Variants in CTSO observed in about 807,000 individuals in gnomAD.
CTSO encodes cathepsin O.
CTSO carries 40 observed loss-of-function variants against 42.4 expected under a neutral mutation model. That is an observed-to-expected ratio of 0.94 (90% CI 0.73 to 1.23). CTSO has a LOEUF of 1.23. Ranked by LOEUF, CTSO falls within the 50% of genes most tolerant of loss-of-function variation. CTSO has a pLI of 0.00. For missense variants in CTSO, 441 were observed against 396.0 expected (o/e 1.11, Z -0.96); for synonymous variants, 156 against 146.2 (o/e 1.07, Z -0.48).
intron 5 of CTSO, among the ~76,000 whole-genome samples, chr4:155,936,804 C>T (rs1743339153): frequency 6.6e-6 from 1 of 152,160 alleles, no homozygotes; most frequent in Non-Finnish European, 1.5e-5. Context: ...AATTTATCTT[C>T]AGTAGTATAT....
chr4:155,946,153 T>C (rs1353411537), intron 1 of CTSO, among the ~76,000 whole-genome samples: 2 of 152,186 alleles, frequency 1.3e-5, no homozygotes, highest in Non-Finnish European at 2.9e-5. Context: ...CTAATGCAAG[T>C]TTATCTCACT....
chr4:155,940,853 A>G (rs1743417656), intron 3 of CTSO, among the ~76,000 whole-genome samples: 1 of 151,730 alleles, frequency 6.6e-6, no homozygotes, highest in Admixed American at 6.6e-5. Context: ...AAAAAAAAAA[A>G]AGAGAAAAGG....
chr4:155,936,306 CCTGACAGTTCT>C (rs1743329712), intron 5 of CTSO, among the ~76,000 whole-genome samples: 1 of 152,122 alleles, frequency 6.6e-6, no homozygotes, highest in East Asian at 1.9e-4. Flanking sequence ...GTGTTGACAA[CCTGACAGTTCT>C]CTGGCACACT....
intron 1 of CTSO, among the ~76,000 whole-genome samples, chr4:155,950,914 G>T (rs1341730373): frequency 6.6e-6 from 1 of 151,198 alleles, no homozygotes; most frequent in Non-Finnish European, 1.5e-5. Flanking sequence ...GTGCCAAAAA[G>T]TTTGGGGACC....
intron 5 of CTSO, among the ~76,000 whole-genome samples, chr4:155,930,405 T>TA (rs1334902764): frequency 1.8e-4 from 27 of 152,338 alleles, no homozygotes; most frequent in African/African-American, 6.5e-4. Flanking sequence ...CCCGGAGAAC[T>TA]AGGTGTTCAA....
intron 7 of CTSO, among the ~76,000 whole-genome samples, chr4:155,927,779 A>T (rs1225715294): frequency 6.6e-6 from 1 of 152,122 alleles, no homozygotes; most frequent in African/African-American, 2.4e-5. Context: ...TATCTCAAAA[A>T]AAAAAAAGTT....
chr4:155,942,918 T>A (rs888119169), intron 2 of CTSO, among the ~76,000 whole-genome samples: 2 of 152,120 alleles, frequency 1.3e-5, no homozygotes, highest in African/African-American at 4.8e-5. Flanking sequence ...CAATTATCCT[T>A]TATAGCCACA....
At chr4:155,929,147 A>C (rs987111382) in intron 6 of CTSO, among the ~76,000 whole-genome samples, 7 of 152,166 alleles carry the variant, frequency 4.6e-5, no homozygotes, top group Non-Finnish European at 1.0e-4. Flanking sequence ...CTATCCCTTT[A>C]TTTCGGCCCA....
chr4:155,937,609 CTT>C, intron 4 of CTSO, 126 bp from the exon 5 acceptor site: 1 of 821,358 alleles, frequency 1.2e-6, no homozygotes, highest in Non-Finnish European at 1.9e-6. Flanking sequence ...ACTTTGCGTT[CTT>C]TTTTTTTTCT....
chr4:155,930,095 T>C (rs1743209023), intron 5 of CTSO, among the ~76,000 whole-genome samples: 3 of 152,176 alleles, frequency 2.0e-5, no homozygotes, highest in South Asian at 2.1e-4. Flanking sequence ...ACGGATCTCA[T>C]TGGCCAGAAC....
chr4:155,935,637 C>A (rs1743316868), intron 5 of CTSO, among the ~76,000 whole-genome samples: 1 of 152,082 alleles, frequency 6.6e-6, no homozygotes, highest in Admixed American at 6.6e-5. Flanking sequence ...TTCATTTGTT[C>A]TCTTTGTTAA....
chr4:155,930,960 G>T (rs976662010), intron 5 of CTSO, among the ~76,000 whole-genome samples: 2 of 152,082 alleles, frequency 1.3e-5, no homozygotes, highest in Non-Finnish European at 2.9e-5. Flanking sequence ...TAGGTTATAG[G>T]TTTTTAATTG....
At position 155,934,597 on chromosome 4, in the gene CTSO, A is replaced by C. The variant is rs116201411; in HGVS notation, c.674+2765T>G. On this transcript the variant is annotated intron_variant, in intron 5 of 7. Coordinates refer to ENST00000433477, the MANE Select transcript of CTSO (RefSeq NM_001334.3). ...CACAGAGGCAGAGGTGCTCAAGACC[A>C]TTAGAACCCACATCTTGCATCAGCA... is the stretch of plus-strand genomic sequence containing the variant. Among the ~76,000 whole-genome samples the C allele has an allele frequency of 6.8e-3, 1,036 of 152,318 alleles. 13 individuals are homozygous for C. The highest frequency in any genetic ancestry group is 0.024 in the African/African-American group (981 of 41,572).
chr4:155,938,348 C>T (rs577758778), intron 4 of CTSO, among the ~76,000 whole-genome samples: 3 of 152,242 alleles, frequency 2.0e-5, no homozygotes, highest in African/African-American at 2.4e-5. Context: ...TCCTGGAATA[C>T]GTGATTAAAA....
rs572732900 is a variant in CTSO, at chr4:155,952,224, A to G, written c.135+1489T>C. Among the ~76,000 whole-genome samples the G allele has an allele frequency of 3.3e-5, 5 of 152,096 alleles. No individual in the cohort carries two copies. The South Asian group carries it at 8.3e-4, about 25-fold the overall frequency. ...TCCACTTCCAACTTTCCATCTTTCA[A>G]CCTGTTTCTTTGTATTTCTCCTGAG... On this transcript the variant is annotated intron_variant, in intron 1 of 7. Coordinates refer to ENST00000433477, the MANE Select transcript of CTSO (RefSeq NM_001334.3).
chr4:155,938,080 CT>C (rs1362688066), intron 4 of CTSO, among the ~76,000 whole-genome samples: 2 of 152,116 alleles, frequency 1.3e-5, no homozygotes, highest in Non-Finnish European at 2.9e-5. Context: ...CATCTTTCTC[CT>C]GACGGTGCTA....
At chr4:155,951,915 T>C (rs1019619958) in intron 1 of CTSO, among the ~76,000 whole-genome samples, 8 of 152,074 alleles carry the variant, frequency 5.3e-5, no homozygotes, top group Non-Finnish European at 1.2e-4. Flanking sequence ...CCTCCTCCCG[T>C]CCATGGAAAA....
chr4:155,931,728 T>A (rs1743236998), intron 5 of CTSO, among the ~76,000 whole-genome samples: 1 of 151,842 alleles, frequency 6.6e-6, no homozygotes, highest in African/African-American at 2.4e-5. Flanking sequence ...GAGCTTACTA[T>A]TCATTTCACA....
At chr4:155,936,247 T>C (rs1040829381) in intron 5 of CTSO, among the ~76,000 whole-genome samples, 2 of 151,972 alleles carry the variant, frequency 1.3e-5, no homozygotes, top group Non-Finnish European at 2.9e-5. Context: ...GGCTGTCTGG[T>C]GTATGGTTCC....
Sources: allele counts gnomAD v4.1 joint callset (sites outside exome capture counted in the v4.1 genomes callset), GRCh38; gene constraint gnomAD v4.1.1; transcripts MANE v1.5; gene names NCBI Gene and HGNC (gene_info 2026-07-23, HGNC 2026-07-21).